Variants in TFAP2B observed in about 807,000 individuals in gnomAD.
TFAP2B encodes the protein transcription factor AP-2-beta.
In TFAP2B, 9 loss-of-function variants were observed where a neutral mutation model predicts 44.3. The observed-to-expected ratio is 0.20, with a 90% CI of 0.12 to 0.35. The LOEUF is 0.35. TFAP2B is among the 10% of genes least tolerant of loss of function. TFAP2B has a pLI of 1.00. For synonymous variants in TFAP2B, 270 were observed against 263.8 expected (o/e 1.02, Z -0.23); for missense variants, 509 against 600.0 (o/e 0.85, Z 1.59).
chr6:50,819,686 C>T (rs1217003710), intron 1 of TFAP2B, among the ~76,000 whole-genome samples: 34 of 152,356 alleles, frequency 2.2e-4, no homozygotes, highest in Admixed American at 2.2e-3. Context: ...CTCTTCGGGG[C>T]AGGAGAAGTT....
intron 1 of TFAP2B, chr6:50,822,055 C>G: frequency 9.3e-7 from 1 of 1,078,766 alleles, no homozygotes. Flanking sequence ...CTGTGTCCAG[C>G]TCGCTTCTCT....
chr6:50,831,022 C>G (rs1226987931), intron 3 of TFAP2B, among the ~76,000 whole-genome samples: 2 of 152,128 alleles, frequency 1.3e-5, no homozygotes, highest in Admixed American at 6.6e-5. Flanking sequence ...GTCTCTGAGT[C>G]TGTGTTTATG....
At chr6:50,839,870 T>G (rs1026324596) in intron 5 of TFAP2B, among the ~76,000 whole-genome samples, 4 of 152,188 alleles carry the variant, frequency 2.6e-5, no homozygotes, top group African/African-American at 9.6e-5. Flanking sequence ...AAGGTGGCTC[T>G]TGACAAAAAG....
rs1200786352 is a variant in TFAP2B, at chr6:50,828,523, G to A, written c.541-96G>A. ...CAGCCCTTTGTGAATTAATATAAATGGAAATAACAGAAACTCCAGTTTGGA... is the reference window on the plus strand; with the variant it reads ...CAGCCCTTTGTGAATTAATATAAATAGAAATAACAGAAACTCCAGTTTGGA... On this transcript the variant is annotated intron_variant, in intron 2 of 6. Transcript: ENST00000393655. 8.7e-6 allele frequency: 9 copies of A among 1,038,820 alleles called. 1 individual carries two copies. The highest frequency in any genetic ancestry group is 1.3e-5 in the Non-Finnish European group (9 of 676,014). The allele number at this position is 1,038,820 out of a possible 1,614,324, so 64.4% of individuals were successfully genotyped here.
At chr6:50,826,890 C>T (rs1197741744) in intron 2 of TFAP2B, among the ~76,000 whole-genome samples, 1 of 152,184 alleles carries the variant, frequency 6.6e-6, no homozygotes, top group Non-Finnish European at 1.5e-5. Context: ...CTAGTAATTA[C>T]GAGTCTGAGT....
In TFAP2B at chr6:50,843,529, A is replaced by C. The variant is rs543173953; in HGVS notation, c.*137A>C. 4 of 887,130 alleles carry C rather than the reference A, an allele frequency of 4.5e-6. No individual in the cohort carries two copies. Among genetic ancestry groups the C allele is most frequent in the Non-Finnish European group, 6.6e-6 (4 of 601,924 alleles). The allele number at this position is 887,130 out of a possible 1,614,324, so 55.0% of individuals were successfully genotyped here. On this transcript the variant is annotated 3_prime_UTR_variant, in exon 7 of 7. Coordinates refer to ENST00000393655, the MANE Select transcript of TFAP2B (RefSeq NM_003221.4). Reference sequence around the variant, plus strand: ...AGAATACACATACAATCAAAATTTTAAAAAAAAAAGCTAAATAACTTAAAA... The same window carrying C: ...AGAATACACATACAATCAAAATTTTCAAAAAAAAAGCTAAATAACTTAAAA...
intron 3 of TFAP2B, among the ~76,000 whole-genome samples, chr6:50,834,948 G>T (rs979600204): frequency 6.6e-6 from 1 of 152,152 alleles, no homozygotes; most frequent in African/African-American, 2.4e-5. Context: ...AAAGAAAATG[G>T]GCTTAAGCAG....
At chr6:50,826,816 C>A (rs1276011460) in intron 2 of TFAP2B, among the ~76,000 whole-genome samples, 1 of 152,188 alleles carries the variant, frequency 6.6e-6, no homozygotes, top group Non-Finnish European at 1.5e-5. Flanking sequence ...CAAACACATA[C>A]ACACACTCAA....
intron 4 of TFAP2B, among the ~76,000 whole-genome samples, chr6:50,837,306 G>C (rs1762642386): frequency 6.6e-6 from 1 of 152,174 alleles, no homozygotes; most frequent in African/African-American, 2.4e-5. Flanking sequence ...CAGTTTTCAA[G>C]TGAGTGCTTT....
Position 50,845,157 on chromosome 6 carries a change from T to C in TFAP2B, c.*1765T>C, listed in dbSNP as rs886061583. The C allele has an allele frequency of 3.3e-5, 5 of 152,158 alleles. No homozygotes were observed. Among genetic ancestry groups the C allele is most frequent in the African/African-American group, 7.2e-5 (3 of 41,424 alleles). The allele number at this position is 152,158 out of a possible 1,614,324, so 9.4% of individuals were successfully genotyped here. The stretch of plus-strand genomic sequence containing the variant: ...GGTGAATGAGAGAGGTCTCTAAATA[T>C]AGTGTTGATACACTCACCTATTTAA... On this transcript the variant is annotated 3_prime_UTR_variant, in exon 7 of 7. Transcript: ENST00000393655.
At chr6:50,822,209 C>T in intron 1 of TFAP2B, 1 of 1,256,636 alleles carries the variant, frequency 8.0e-7, no homozygotes, top group South Asian at 1.2e-5. Context: ...CCTCCTCTCA[C>T]TGTCTCTCTG....
chr6:50,834,050 T>C (rs557841454), intron 3 of TFAP2B, among the ~76,000 whole-genome samples: 21 of 152,316 alleles, frequency 1.4e-4, no homozygotes, highest in African/African-American at 5.1e-4. Flanking sequence ...CCAACTCCCA[T>C]GATTGTCAAT....
At chr6:50,822,829 T>C (rs1167944572) in intron 1 of TFAP2B, among the ~76,000 whole-genome samples, 1 of 152,208 alleles carries the variant, frequency 6.6e-6, no homozygotes. Flanking sequence ...GTGGATTCCT[T>C]GGAGCTCTTG....
chr6:50,842,422 T>C (rs141699342), intron 6 of TFAP2B, among the ~76,000 whole-genome samples: 180 of 152,346 alleles, frequency 1.2e-3, no homozygotes, highest in African/African-American at 4.0e-3. Context: ...TTAAACTATA[T>C]GGGAATCCTT....
chr6:50,822,226 C>CGTCTCTGT, intron 1 of TFAP2B: 1 of 1,225,824 alleles, frequency 8.2e-7, no homozygotes, highest in Non-Finnish European at 1.1e-6. Context: ...TCTGTCTCTG[C>CGTCTCTGT]GTCTCTGTGT....
intron 2 of TFAP2B, among the ~76,000 whole-genome samples, chr6:50,826,503 GC>G (rs1242566447): frequency 2.6e-5 from 4 of 151,972 alleles, no homozygotes; most frequent in Non-Finnish European, 5.9e-5. Flanking sequence ...ACTCACAGGG[GC>G]TATTAAACTA....
At chr6:50,822,190 T>C in intron 1 of TFAP2B, 1 of 1,300,574 alleles carries the variant, frequency 7.7e-7, no homozygotes, top group Non-Finnish European at 1.0e-6. Flanking sequence ...TTACCAGAAT[T>C]GCATGCTCCC....
chr6:50,820,998 G>A (rs1241580421), intron 1 of TFAP2B, among the ~76,000 whole-genome samples: 1 of 152,148 alleles, frequency 6.6e-6, no homozygotes, highest in Non-Finnish European at 1.5e-5. Flanking sequence ...GGTCCTATCT[G>A]CCTAAATTTT....
rs1256434492 is a variant in TFAP2B, at chr6:50,836,083, G to A, written c.624G>A (p.Val208=). 1 of 1,614,114 alleles carries A rather than the reference G, an allele frequency of 6.2e-7. No homozygotes were observed. The highest frequency in any genetic ancestry group is 1.3e-5 in the African/African-American group (1 of 75,018). ...IKKVPVPPKS[V]TSLMMNKDGF... is the part of the protein sequence containing the mutation. ...TAGTTCCAGTTCCTCCCAAATCGGT[G>A]ACTTCTCTAATGATGAATAAAGACG... is the stretch of plus-strand genomic sequence containing the variant. Residue 208 remains valine, a synonymous_variant, in exon 4 of 7, where the codon GTG becomes GTA. Transcript: ENST00000393655.
Sources: allele counts gnomAD v4.1 joint callset (sites outside exome capture counted in the v4.1 genomes callset), GRCh38; gene constraint gnomAD v4.1.1; transcripts MANE v1.5; gene names NCBI Gene and HGNC (gene_info 2026-07-23, HGNC 2026-07-21).